The following GALNT13 variants were observed in gnomAD, a reference collection of about 807,000 sequenced individuals.
The protein encoded by GALNT13 is UDP-GalNAc:polypeptide N-acetylgalactosaminyltransferase 13.
In GALNT13, 28 loss-of-function variants were observed where a neutral mutation model predicts 64.2. The observed-to-expected ratio is 0.44, with a 90% CI of 0.32 to 0.60. GALNT13 has a LOEUF of 0.60. Ranked by LOEUF, GALNT13 falls within the 20% of genes least tolerant of loss-of-function variation. GALNT13 has a pLI of 0.05. For synonymous variants in GALNT13, 214 were observed against 224.6 expected (o/e 0.95, Z 0.42); for missense variants, 577 against 669.8 (o/e 0.86, Z 1.53).
the GALNT13 span, among the ~76,000 whole-genome samples, chr2:153,622,841 A>G: frequency 6.6e-6 from 1 of 152,230 alleles, no homozygotes; most frequent in Non-Finnish European, 1.5e-5. Flanking sequence ...GATTACATTA[A>G]ATGGTAGATA....
chr2:153,277,596 G>A, the GALNT13 span, among the ~76,000 whole-genome samples: 2 of 152,058 alleles, frequency 1.3e-5, no homozygotes, highest in South Asian at 2.1e-4. Flanking sequence ...TCAAATGGTC[G>A]TTCTGTTTTA....
intron 2 of GALNT13, among the ~76,000 whole-genome samples, chr2:153,907,565 C>G (rs1688662897): frequency 6.6e-6 from 1 of 151,852 alleles, no homozygotes; most frequent in South Asian, 2.1e-4. Flanking sequence ...CACCCTCTAT[C>G]CTAAGGTAGA....
intron 2 of GALNT13, among the ~76,000 whole-genome samples, chr2:153,917,055 C>G (rs1558851926): frequency 6.6e-6 from 1 of 152,128 alleles, no homozygotes; most frequent in Non-Finnish European, 1.5e-5. Flanking sequence ...GTTTATTCAG[C>G]TGACAAGTCA....
the GALNT13 span, among the ~76,000 whole-genome samples, chr2:153,699,556 A>G: frequency 1.3e-5 from 2 of 152,038 alleles, no homozygotes; most frequent in African/African-American, 4.8e-5. Context: ...CAGGAGCTAG[A>G]TTTTTGAAAA....
chr2:153,538,432 G>A, the GALNT13 span, among the ~76,000 whole-genome samples: 2 of 116,918 alleles, frequency 1.7e-5, no homozygotes, highest in Non-Finnish European at 3.4e-5. Context: ...GGGTACATGT[G>A]CACATTGTGC....
At chr2:154,302,899 T>C (rs1002009464) in intron 9 of GALNT13, among the ~76,000 whole-genome samples, 1 of 152,160 alleles carries the variant, frequency 6.6e-6, no homozygotes, top group Non-Finnish European at 1.5e-5. Flanking sequence ...AAACTCTCAG[T>C]TAATCTTCTC....
At chr2:153,829,260 A>G in the GALNT13 span, among the ~76,000 whole-genome samples, 11 of 151,890 alleles carry the variant, frequency 7.2e-5, no homozygotes, top group Non-Finnish European at 1.3e-4. Context: ...CCAATTTACT[A>G]TATTAGTCTT....
chr2:153,524,646 C>T, the GALNT13 span, among the ~76,000 whole-genome samples: 1 of 152,062 alleles, frequency 6.6e-6, no homozygotes, highest in African/African-American at 2.4e-5. Flanking sequence ...ACAGTGGAAA[C>T]GAAAGCCAGA....
chr2:153,625,859 C>T, the GALNT13 span, among the ~76,000 whole-genome samples: 11 of 151,896 alleles, frequency 7.2e-5, no homozygotes, highest in African/African-American at 2.2e-4. Flanking sequence ...CAGCCATTGC[C>T]GACCTACAGC....
the GALNT13 span, among the ~76,000 whole-genome samples, chr2:153,665,233 T>C: frequency 6.6e-5 from 10 of 152,182 alleles, no homozygotes; most frequent in African/African-American, 2.4e-4. Flanking sequence ...GTGGTAAAAG[T>C]CAAGAAACAA....
the GALNT13 span, among the ~76,000 whole-genome samples, chr2:153,188,497 A>G: frequency 6.6e-6 from 1 of 152,186 alleles, no homozygotes; most frequent in African/African-American, 2.4e-5. Flanking sequence ...GAGAATGTTC[A>G]AAATGTAGCA....
intron 4 of GALNT13, among the ~76,000 whole-genome samples, chr2:154,149,882 A>G (rs913646117): frequency 2.6e-4 from 39 of 152,196 alleles, no homozygotes; most frequent in African/African-American, 9.2e-4. Context: ...AACAGGGACA[A>G]TTTGACTTCC....
chr2:153,876,421 G>T (rs970308612), intron 1 of GALNT13, among the ~76,000 whole-genome samples: 18 of 152,020 alleles, frequency 1.2e-4, no homozygotes, highest in African/African-American at 4.3e-4. Flanking sequence ...GAAAAGTCTG[G>T]TTTTTCATTG....
intron 3 of GALNT13, among the ~76,000 whole-genome samples, chr2:154,103,297 G>A (rs1024348980): frequency 6.6e-6 from 1 of 151,958 alleles, no homozygotes; most frequent in Non-Finnish European, 1.5e-5. Flanking sequence ...TGAAAGCTTT[G>A]AACTGTATTT....
intron 4 of GALNT13, among the ~76,000 whole-genome samples, chr2:154,231,968 G>T (rs1228616880): frequency 6.6e-6 from 1 of 151,512 alleles, no homozygotes; most frequent in African/African-American, 2.4e-5. Flanking sequence ...ACTGCCTCTT[G>T]TCTCACAACT....
the GALNT13 span, among the ~76,000 whole-genome samples, chr2:153,428,106 A>G: frequency 6.5e-4 from 99 of 152,318 alleles, no homozygotes; most frequent in African/African-American, 2.3e-3. Flanking sequence ...ACAGGGCCCA[A>G]CTGAAACCAG....
At chr2:153,171,299 A>G in the GALNT13 span, among the ~76,000 whole-genome samples, 2 of 152,348 alleles carry the variant, frequency 1.3e-5, no homozygotes, top group African/African-American at 4.8e-5. Context: ...CAACTAATTG[A>G]GTGCATGAAT....
intron 9 of GALNT13, among the ~76,000 whole-genome samples, chr2:154,343,185 G>T (rs1275115602): frequency 6.6e-6 from 1 of 151,944 alleles, no homozygotes; most frequent in Non-Finnish European, 1.5e-5. Flanking sequence ...AGGTCTCAAG[G>T]AAGATACCAG....
the GALNT13 span, among the ~76,000 whole-genome samples, chr2:153,086,176 G>T: frequency 6.6e-6 from 1 of 152,280 alleles, no homozygotes; most frequent in African/African-American, 2.4e-5. Context: ...ACTTGCTGTT[G>T]ATTTTACAGG....
Sources: gnomAD v4.1 joint callset for allele counts (sites outside exome capture counted in the v4.1 genomes callset) on GRCh38, gnomAD v4.1.1 for gene constraint, MANE v1.5 for transcripts, NCBI Gene and HGNC (gene_info 2026-07-23, HGNC 2026-07-21) for gene names.